The following HCRTR2 variants were observed in gnomAD, a reference collection of about 807,000 sequenced individuals.
HCRTR2 encodes the protein hypocretin receptor 2.
In HCRTR2, 22 loss-of-function variants were observed where a neutral mutation model predicts 49.0. The ratio of observed to expected loss-of-function variants is 0.45; its 90% CI spans 0.32 to 0.64. The LOEUF is 0.64. Among genes scored for constraint, HCRTR2 ranks in the 30% least tolerant of loss-of-function variants. The pLI, the probability that HCRTR2 is intolerant of heterozygous loss-of-function variation, is 0.04. For missense variants in HCRTR2, 491 were observed against 559.4 expected (o/e 0.88, Z 1.23); for synonymous variants, 236 against 205.3 (o/e 1.15, Z -1.28).
chr6:55,201,174 G>A (rs1765507217), intron 1 of HCRTR2, among the ~76,000 whole-genome samples: 5 of 152,064 alleles, frequency 3.3e-5, no homozygotes, highest in Admixed American at 3.3e-4. Flanking sequence ...TTTGGATTAA[G>A]TGTAGGCAGG....
At chr6:55,121,700 C>T (rs1418251517) in intron 1 of HCRTR2, among the ~76,000 whole-genome samples, 3 of 152,110 alleles carry the variant, frequency 2.0e-5, no homozygotes, top group Non-Finnish European at 2.9e-5. Flanking sequence ...AAGGCCTTTT[C>T]TGCGTCTATT....
chr6:55,132,749 CTCTT>C (rs1764376282), intron 1 of HCRTR2, among the ~76,000 whole-genome samples: 1 of 68,122 alleles, frequency 1.5e-5, no homozygotes. Flanking sequence ...CTCTCTCTCT[CTCTT>C]TTTTTTTTTT....
intron 1 of HCRTR2, among the ~76,000 whole-genome samples, chr6:55,161,555 G>T (rs1025929467): frequency 2.2e-4 from 34 of 151,716 alleles, no homozygotes; most frequent in African/African-American, 8.2e-4. Context: ...TGTTTTTTTT[G>T]AAAAGATTAA....
chr6:55,200,947 C>A (rs898395855), intron 1 of HCRTR2, among the ~76,000 whole-genome samples: 3 of 151,944 alleles, frequency 2.0e-5, no homozygotes, highest in African/African-American at 7.3e-5. Context: ...TTTTGTAGAT[C>A]CAAATTCCTC....
At chr6:55,190,065 T>C (rs1765290185) in intron 1 of HCRTR2, among the ~76,000 whole-genome samples, 1 of 152,100 alleles carries the variant, frequency 6.6e-6, no homozygotes, top group South Asian at 2.1e-4. Context: ...ATAGATACAG[T>C]TTATGTGAAA....
chr6:55,223,695 G>A (rs1301113101), intron 1 of HCRTR2, among the ~76,000 whole-genome samples: 3 of 151,742 alleles, frequency 2.0e-5, no homozygotes, highest in Non-Finnish European at 1.5e-5. Context: ...TATATGGCGG[G>A]CTATCACTCC....
intron 4 of HCRTR2, among the ~76,000 whole-genome samples, chr6:55,277,080 T>G (rs1408510577): frequency 6.6e-6 from 1 of 152,202 alleles, no homozygotes; most frequent in Non-Finnish European, 1.5e-5. Flanking sequence ...TTTATCATTC[T>G]CCTTTCCCAA....
chr6:55,248,699 A>G lies in HCRTR2; in HGVS notation c.284A>G (p.Asn95Ser), dbSNP rs1257709030. 6.2e-7 allele frequency: 1 copy of G among 1,613,340 alleles called. No homozygotes were observed. The highest frequency in any genetic ancestry group is 8.5e-7 in the Non-Finnish European group (1 of 1,179,538). Residue 95 changes from asparagine to serine, a missense_variant, in exon 2 of 7, where the codon AAT becomes AGT. By Grantham distance (46) the Asn-to-Ser change is conservative. Transcript: ENST00000370862. The part of the protein sequence containing the change: ...MRTVTNYFIV[N>S]LSLADVLVTI... The stretch of plus-strand genomic sequence containing the variant: ...ACGGTAACCAACTACTTCATAGTCA[A>G]TCTTTCTCTGGCTGATGTGCTCGTG...
chr6:55,270,450 C>T (rs2127326253), intron 4 of HCRTR2, among the ~76,000 whole-genome samples: 1 of 152,234 alleles, frequency 6.6e-6, no homozygotes, highest in Non-Finnish European at 1.5e-5. Flanking sequence ...TATTCAGTCT[C>T]AGAAAGGTTA....
intron 1 of HCRTR2, among the ~76,000 whole-genome samples, chr6:55,138,670 T>C (rs1454454805): frequency 6.6e-6 from 1 of 152,220 alleles, no homozygotes; most frequent in Non-Finnish European, 1.5e-5. Context: ...TGTGTCATTT[T>C]AAACTGCTTA....
chr6:55,207,085 T>G (rs1765615029), intron 1 of HCRTR2, among the ~76,000 whole-genome samples: 1 of 151,864 alleles, frequency 6.6e-6, no homozygotes, highest in African/African-American at 2.4e-5. Context: ...TCTAAGAATC[T>G]TTGCATCTTA....
intron 1 of HCRTR2, among the ~76,000 whole-genome samples, chr6:55,121,109 A>G (rs1050514029): frequency 3.3e-5 from 5 of 152,128 alleles, no homozygotes; most frequent in African/African-American, 1.2e-4. Flanking sequence ...ATCCATGAAC[A>G]TGGAATGTTC....
At chr6:55,135,660 C>T (rs989859428) in intron 1 of HCRTR2, among the ~76,000 whole-genome samples, 1 of 152,084 alleles carries the variant, frequency 6.6e-6, no homozygotes, top group Non-Finnish European at 1.5e-5. Context: ...TTTCTAAACA[C>T]TTTACATATA....
intron 1 of HCRTR2, among the ~76,000 whole-genome samples, chr6:55,244,171 T>C (rs956356880): frequency 1.3e-5 from 2 of 152,040 alleles, no homozygotes; most frequent in African/African-American, 2.4e-5. Flanking sequence ...CCAGTTACTA[T>C]TGGCCATCTG....
At chr6:55,215,964 C>G (rs1363177421) in intron 1 of HCRTR2, among the ~76,000 whole-genome samples, 1 of 152,178 alleles carries the variant, frequency 6.6e-6, no homozygotes, top group African/African-American at 2.4e-5. Flanking sequence ...GAGTTGCTGC[C>G]TCTGTTGAGG....
At chr6:55,199,725 G>T (rs980672365) in intron 1 of HCRTR2, among the ~76,000 whole-genome samples, 6 of 152,114 alleles carry the variant, frequency 3.9e-5, no homozygotes, top group African/African-American at 1.4e-4. Context: ...GTTGTAATTT[G>T]GGGAAAATTT....
chr6:55,189,801 T>A (rs1282866567), intron 1 of HCRTR2, among the ~76,000 whole-genome samples: 1 of 152,094 alleles, frequency 6.6e-6, no homozygotes, highest in Non-Finnish European at 1.5e-5. Context: ...AAAATAAAAT[T>A]AAATTATTAA....
At chr6:55,209,736 C>A (rs1381320493) in intron 1 of HCRTR2, among the ~76,000 whole-genome samples, 1 of 152,150 alleles carries the variant, frequency 6.6e-6, no homozygotes, top group Non-Finnish European at 1.5e-5. Context: ...GTTGGCAATA[C>A]TTACTTTAAA....
chr6:55,108,982 T>TC, intron 1 of HCRTR2, among the ~76,000 whole-genome samples: 1 of 152,142 alleles, frequency 6.6e-6, no homozygotes, highest in Non-Finnish European at 1.5e-5. Context: ...TGAGGGAGCA[T>TC]GGCAGTCCAC....
Sources: gnomAD v4.1 joint callset for allele counts (sites outside exome capture counted in the v4.1 genomes callset) on GRCh38, gnomAD v4.1.1 for gene constraint, MANE v1.5 for transcripts, NCBI Gene and HGNC (gene_info 2026-07-23, HGNC 2026-07-21) for gene names.